Variants in CPAMD8 observed in about 807,000 individuals in gnomAD.
CPAMD8 encodes the protein C3 and PZP-like alpha-2-macroglobulin domain-containing protein 8.
In CPAMD8, 146 loss-of-function variants were observed where a neutral mutation model predicts 224.7. The ratio of observed to expected loss-of-function variants is 0.65; its 90% CI spans 0.57 to 0.75. CPAMD8 has a LOEUF of 0.75. Among genes scored for constraint, CPAMD8 ranks in the 30% least tolerant of loss-of-function variants. CPAMD8 has a pLI of 0.00. For synonymous variants in CPAMD8, 966 were observed against 1,044.6 expected, an observed-to-expected ratio of 0.92 and a Z score of 1.45; for missense variants, 2,301 against 2,537.5, an observed-to-expected ratio of 0.91 and a Z score of 2.00.
Position 16,957,838 on chromosome 19 carries a change from G to T in CPAMD8, c.2276+15C>A, listed in dbSNP as rs368970859. 1 of 1,613,468 alleles carries T rather than the reference G, an allele frequency of 6.2e-7. No individual in the cohort carries two copies. Among genetic ancestry groups the T allele is most frequent in the Non-Finnish European group, 8.5e-7 (1 of 1,179,808 alleles). On this transcript the variant is annotated intron_variant, in intron 19 of 41. Coordinates refer to ENST00000443236, the MANE Select transcript of CPAMD8 (RefSeq NM_015692.5). Reference sequence around the variant, plus strand: ...CAACCGGCAAAGTCAGCGCAGAAAAGAAATCTTAATGTACCTGATGTTGAG... The same window carrying T: ...CAACCGGCAAAGTCAGCGCAGAAAATAAATCTTAATGTACCTGATGTTGAG...
At chr19:16,956,267 G>T (rs976836287) in intron 19 of CPAMD8, among the ~76,000 whole-genome samples, 6 of 152,040 alleles carry the variant, frequency 3.9e-5, no homozygotes, top group African/African-American at 1.4e-4. Context: ...TGCAGCACTT[G>T]CTCATGCTGG....
chr19:17,001,678 C>T (rs1232427784), intron 9 of CPAMD8, among the ~76,000 whole-genome samples: 1 of 151,602 alleles, frequency 6.6e-6, no homozygotes, highest in Non-Finnish European at 1.5e-5. Flanking sequence ...AGGGAGACAC[C>T]GAGTACTAGG....
intron 17 of CPAMD8, among the ~76,000 whole-genome samples, chr19:16,972,472 G>A (rs557693387): frequency 1.1e-4 from 17 of 151,826 alleles, no homozygotes; most frequent in African/African-American, 3.9e-4. Flanking sequence ...TCACTCTGTC[G>A]CCCAGGCTGG....
In CPAMD8 at chr19:16,997,100, C is replaced by G. The variant is rs117521081; in HGVS notation, c.1095+11G>C. On this transcript the variant is annotated intron_variant, in intron 11 of 41. Coordinates refer to ENST00000443236, the MANE Select transcript of CPAMD8 (RefSeq NM_015692.5). ...CTTGGGCGGGAGGCAGCACAGTCAC[C>G]CCCAAGTTACCTTCCCCACGTAGGC... 1 of 1,584,420 alleles carries G rather than the reference C, an allele frequency of 6.3e-7. No homozygotes were observed. The highest frequency in any genetic ancestry group is 1.1e-5 in the South Asian group (1 of 90,422).
At chr19:17,026,481 C>G (rs2057084434) in intron 1 of CPAMD8, 70 bp downstream of exon 1, 1 of 1,416,834 alleles carries the variant, frequency 7.1e-7, no homozygotes, top group Non-Finnish European at 9.2e-7. Flanking sequence ...CGCTGCAACA[C>G]TCTGAGCCAG....
intron 18 of CPAMD8, 61 bp downstream of exon 18, chr19:16,970,830 C>A: frequency 1.3e-6 from 2 of 1,507,448 alleles, no homozygotes; most frequent in Non-Finnish European, 9.2e-7. Flanking sequence ...AGGACAAAGA[C>A]AAGCCCCAGA....
rs1170354956 is a variant in CPAMD8, at chr19:16,893,342, G to A, written c.5427-3C>T. ...GAGGCCGAGGCCCGGCTGTGACCCT[G>A]GAGATGAGGTTTTATCTTACAACAT... On this transcript the variant is annotated splice_polypyrimidine_tract_variant and splice_region_variant and intron_variant, in intron 41 of 41. Coordinates refer to ENST00000443236, the MANE Select transcript of CPAMD8 (RefSeq NM_015692.5). 2 of 1,519,256 alleles carry A rather than the reference G, an allele frequency of 1.3e-6. No homozygotes were observed. The highest frequency in any genetic ancestry group is 1.8e-6 in the Non-Finnish European group (2 of 1,131,014). The allele number at this position is 1,519,256 out of a possible 1,614,324, so 94.1% of individuals were successfully genotyped here.
chr19:16,896,693 C>T lies in CPAMD8; in HGVS notation c.5066-28G>A, dbSNP rs916978537. 5.1e-6 allele frequency: 7 copies of T among 1,380,186 alleles called. No homozygotes were observed. In the South Asian group the frequency reaches 6.3e-5, roughly 12 times the overall value. 85.5% of individuals were successfully genotyped at this position (1,380,186 alleles called of 1,614,324 possible). On this transcript the variant is annotated intron_variant, in intron 39 of 41. Transcript: ENST00000443236. ...GGGGGACGAGGCAGGCTCGACAGAC[C>T]CCCCACCCTGAACCTTGCCCGCGCC...
In CPAMD8 at chr19:16,993,510, T is replaced by C; in HGVS notation, c.1172A>G (p.Asp391Gly). ...VQIKAELTPK[D>G]NIYTSEVVSQ... ...CACAACTTCACTGGTGTAGATGTTA[T>C]CCTTTGGTGTCAGCTCTGCCTTAAT... is the stretch of plus-strand genomic sequence containing the variant. The change falls in exon 12 of 42, where the codon GAT becomes GGT. Residue 391 changes from aspartate to glycine, a missense_variant. Transcript: ENST00000443236. 1.2e-6 allele frequency: 2 copies of C among 1,613,682 alleles called. No individual in the cohort carries two copies. The highest frequency in any genetic ancestry group is 1.7e-6 in the Non-Finnish European group (2 of 1,179,822).
At chr19:16,939,187 T>G (rs188993061) in intron 22 of CPAMD8, among the ~76,000 whole-genome samples, 1 of 84,634 alleles carries the variant, frequency 1.2e-5, no homozygotes, top group Admixed American at 1.2e-4. Flanking sequence ...ATTTATTTAT[T>G]TATCTATCTA....
At position 16,945,680 on chromosome 19, in the gene CPAMD8, C is replaced by G. The variant is rs953952381; in HGVS notation, c.2663-1G>C. 50 of 1,613,926 alleles carry G rather than the reference C, an allele frequency of 3.1e-5. No homozygotes were observed. The highest frequency in any genetic ancestry group is 4.1e-5 in the Non-Finnish European group (48 of 1,179,914). On this transcript the variant is annotated splice_acceptor_variant, in intron 21 of 41. Coordinates refer to ENST00000443236, the MANE Select transcript of CPAMD8 (RefSeq NM_015692.5). LOFTEE classifies it high-confidence loss of function. Reference sequence around the variant, plus strand: ...GTGTCTCCGTAAGCAAGGGCTTTGGCTGCAGAAATTTGATGTCTTGGTCTC... The same window carrying G: ...GTGTCTCCGTAAGCAAGGGCTTTGGGTGCAGAAATTTGATGTCTTGGTCTC...
At chr19:16,979,790 A>G (rs1282597292) in intron 14 of CPAMD8, among the ~76,000 whole-genome samples, 2 of 151,270 alleles carry the variant, frequency 1.3e-5, no homozygotes, top group African/African-American at 4.9e-5. Flanking sequence ...CAAGGTTGAG[A>G]AACCTTGCCT....
chr19:16,991,645 A>C (rs1214549696), intron 12 of CPAMD8, among the ~76,000 whole-genome samples: 3 of 152,168 alleles, frequency 2.0e-5, no homozygotes, highest in Admixed American at 2.0e-4. Flanking sequence ...GCCTGAGGTC[A>C]GGAGTTCAAG....
At chr19:16,957,614 G>C in intron 19 of CPAMD8, 1 of 524,398 alleles carries the variant, frequency 1.9e-6, no homozygotes, top group Non-Finnish European at 3.4e-6. Flanking sequence ...AACCCCAAGA[G>C]GGAGTTATAA....
intron 1 of CPAMD8, among the ~76,000 whole-genome samples, chr19:17,025,735 G>A (rs1291051279): frequency 6.6e-6 from 1 of 152,182 alleles, no homozygotes; most frequent in Non-Finnish European, 1.5e-5. Context: ...GCATTAGGAT[G>A]AAAATTTGTA....
At chr19:16,907,876 G>A (rs986447697) in intron 29 of CPAMD8, among the ~76,000 whole-genome samples, 11 of 152,114 alleles carry the variant, frequency 7.2e-5, no homozygotes, top group Non-Finnish European at 1.2e-4. Flanking sequence ...CAAAGAGCTG[G>A]GATTACAGGA....
intron 13 of CPAMD8, among the ~76,000 whole-genome samples, chr19:16,985,137 T>C (rs1451681883): frequency 6.6e-6 from 1 of 152,016 alleles, no homozygotes; most frequent in Non-Finnish European, 1.5e-5. Context: ...TATTTAAGAG[T>C]GAAGCACTAT....
At chr19:16,901,955 G>T (rs988309120) in intron 35 of CPAMD8, among the ~76,000 whole-genome samples, 1 of 152,050 alleles carries the variant, frequency 6.6e-6, no homozygotes, top group African/African-American at 2.4e-5. Flanking sequence ...CCGGGGTAGC[G>T]GCTCTGATGG....
rs373407011 is a variant in CPAMD8, at chr19:16,902,776, G to A, written c.4558C>T (p.Arg1520Cys). The change falls in exon 35 of 42, where the codon CGC becomes TGC. Residue 1520 changes from arginine (R) to cysteine (C), a missense_variant. Arg to Cys is a radical substitution (Grantham distance 180). Coordinates refer to ENST00000443236, the MANE Select transcript of CPAMD8 (RefSeq NM_015692.5). ...VSLQEPEAQG[R>C]PPPMPASAAE... is the part of the protein sequence containing the mutation. ...GCGGAGGCAGGCATGGGGGGCGGGCGTCCCTGGGCCTCAGGCTCCTGGAGG... is the reference window on the plus strand; with the variant it reads ...GCGGAGGCAGGCATGGGGGGCGGGCATCCCTGGGCCTCAGGCTCCTGGAGG... 3.8e-6 allele frequency: 6 copies of A among 1,590,308 alleles called. No individual in the cohort carries two copies. The highest frequency in any genetic ancestry group is 2.3e-5 in the East Asian group (1 of 44,062).
Sources: gnomAD v4.1 joint callset for allele counts (sites outside exome capture counted in the v4.1 genomes callset) on GRCh38, gnomAD v4.1.1 for gene constraint, MANE v1.5 for transcripts, NCBI Gene and HGNC (gene_info 2026-07-23, HGNC 2026-07-21) for gene names.